The following CCM2 variants were observed in gnomAD, a reference collection of about 807,000 sequenced individuals.
CCM2 encodes the protein CCM2 scaffold protein, also known as cerebral cavernous malformations 2 protein.
A neutral mutation model predicts 44.9 loss-of-function variants in CCM2; 25 were observed. That is an observed-to-expected ratio of 0.56 (90% CI 0.41 to 0.78). The LOEUF (loss-of-function observed/expected upper bound fraction) is 0.78. CCM2 is among the 30% of genes least tolerant of loss of function. The pLI is 0.00. For missense variants in CCM2, 481 were observed against 580.6 expected (o/e 0.83, Z 1.76); for synonymous variants, 219 against 241.1 (o/e 0.91, Z 0.85).
At chr7:45,051,161 GA>G (rs1797983077) in intron 2 of CCM2, among the ~76,000 whole-genome samples, 1 of 152,114 alleles carries the variant, frequency 6.6e-6, no homozygotes, top group Non-Finnish European at 1.5e-5. Context: ...AGCTTCTCCA[GA>G]GGCATTTGGT....
chr7:45,022,865 C>A (rs1247296328), intron 1 of CCM2, among the ~76,000 whole-genome samples: 1 of 151,868 alleles, frequency 6.6e-6, no homozygotes. Flanking sequence ...CTCAGCCTCT[C>A]GAGTAGCTGG....
At chr7:45,068,309 T>G in intron 4 of CCM2, 134 bp from the exon 5 acceptor site, 1 of 1,131,502 alleles carries the variant, frequency 8.8e-7, no homozygotes, top group South Asian at 1.3e-5. Context: ...GCCCTTCACC[T>G]GAGTCGTTCT....
intron 2 of CCM2, chr7:45,043,642 AT>A: frequency 2.9e-6 from 1 of 350,086 alleles, no homozygotes; most frequent in Non-Finnish European, 5.4e-6. Flanking sequence ...AAAAAAAAAA[AT>A]TGTGGAGAAA....
chr7:45,050,751 G>A (rs1236656182), intron 2 of CCM2, among the ~76,000 whole-genome samples: 1 of 152,144 alleles, frequency 6.6e-6, no homozygotes, highest in African/African-American at 2.4e-5. Flanking sequence ...GGGTAAGTTA[G>A]TCCTCTGCTG....
intron 1 of CCM2, among the ~76,000 whole-genome samples, chr7:45,015,160 G>C (rs986322089): frequency 6.6e-6 from 1 of 152,050 alleles, no homozygotes; most frequent in Non-Finnish European, 1.5e-5. Context: ...TCTTTTTCTG[G>C]ATCTATTTAT....
intron 6 of CCM2, chr7:45,072,461 G>A: frequency 1.7e-6 from 1 of 589,906 alleles, no homozygotes; most frequent in Admixed American, 2.7e-5. Context: ...TCTGGCCATG[G>A]GTGAATGTGT....
At chr7:45,018,028 A>G (rs908521482) in intron 1 of CCM2, among the ~76,000 whole-genome samples, 1 of 147,138 alleles carries the variant, frequency 6.8e-6, no homozygotes, top group African/African-American at 2.6e-5. Flanking sequence ...CAGTTTTTCC[A>G]TAGACCAAAG....
chr7:45,060,835 A>G (rs541671919), intron 2 of CCM2, among the ~76,000 whole-genome samples: 98 of 152,260 alleles, frequency 6.4e-4, no homozygotes, highest in African/African-American at 2.3e-3. Context: ...CTGTTCTTAC[A>G]TGATGTCTAC....
At chr7:45,036,285 T>C (rs1162230234) in intron 1 of CCM2, among the ~76,000 whole-genome samples, 1 of 152,144 alleles carries the variant, frequency 6.6e-6, no homozygotes, top group Admixed American at 6.6e-5. Flanking sequence ...TGATTCCATG[T>C]CTGTTTTAGT....
chr7:45,044,142 G>A (rs1797642978), intron 2 of CCM2, among the ~76,000 whole-genome samples: 1 of 151,800 alleles, frequency 6.6e-6, no homozygotes, highest in African/African-American at 2.4e-5. Flanking sequence ...GTTTTGTTTT[G>A]TTTCGTTTTG....
rs368822854 is a variant in CCM2 at position 45,016,919 on chromosome 7, C to CA, written c.30+16557dup. 3.0e-3 allele frequency among the ~76,000 whole-genome samples: 453 copies of CA among 152,258 alleles called. 4 individuals carry two copies. Among genetic ancestry groups the CA allele is most frequent in the African/African-American group, 0.01 (425 of 41,540 alleles). On this transcript the variant is annotated intron_variant, in intron 1 of 9. Coordinates refer to ENST00000258781, the MANE Select transcript of CCM2 (RefSeq NM_031443.4). ...AAGTGCTAGGATTACAGGCGTGAGC[C>CA]ACCTCGCTTGGCTAATTTTTTTTGT... is the stretch of plus-strand genomic sequence containing the variant.
At chr7:45,038,841 A>G (rs1797348365) in intron 2 of CCM2, among the ~76,000 whole-genome samples, 1 of 152,212 alleles carries the variant, frequency 6.6e-6, no homozygotes, top group African/African-American at 2.4e-5. Flanking sequence ...GAGGCTCATC[A>G]TTGGGTCTCA....
intron 1 of CCM2, among the ~76,000 whole-genome samples, chr7:45,030,086 G>C (rs759190613): frequency 6.6e-6 from 1 of 152,088 alleles, no homozygotes; most frequent in African/African-American, 2.4e-5. Context: ...AGGTCCCTTC[G>C]ACCCTCACAG....
At chr7:45,064,728 G>T in intron 4 of CCM2, 82 bp downstream of exon 4, 1 of 1,466,470 alleles carries the variant, frequency 6.8e-7, no homozygotes, top group East Asian at 2.3e-5. Context: ...GACAGTTTTT[G>T]CAGCTTCGTG....
intron 6 of CCM2, 96 bp from the exon 7 acceptor site, chr7:45,072,630 C>T: frequency 1.1e-6 from 1 of 935,920 alleles, no homozygotes; most frequent in Non-Finnish European, 1.7e-6. Context: ...ACCAGGGCTG[C>T]CGCTGTCTCC....
At chr7:45,029,069 G>T (rs1212009060) in intron 1 of CCM2, among the ~76,000 whole-genome samples, 1 of 152,092 alleles carries the variant, frequency 6.6e-6, no homozygotes, top group South Asian at 2.1e-4. Context: ...ACTGAGTTTG[G>T]TGCCTCTTCC....
intron 6 of CCM2, chr7:45,071,762 C>T (rs914806202): frequency 8.8e-6 from 4 of 456,574 alleles, no homozygotes; most frequent in African/African-American, 8.0e-5. Flanking sequence ...AGCCACGTGA[C>T]CTCTTCCACA....
intron 2 of CCM2, among the ~76,000 whole-genome samples, chr7:45,052,414 G>A (rs1295003054): frequency 6.6e-6 from 1 of 152,172 alleles, no homozygotes; most frequent in Non-Finnish European, 1.5e-5. Flanking sequence ...TGTCAGCTGT[G>A]TATTGGGAAC....
At chr7:45,070,204 C>A in intron 6 of CCM2, 1 of 552,614 alleles carries the variant, frequency 1.8e-6, no homozygotes. Context: ...AATTTGGGGT[C>A]TGTGAACACT....
Sources: gnomAD v4.1 joint callset for allele counts (sites outside exome capture counted in the v4.1 genomes callset) on GRCh38, gnomAD v4.1.1 for gene constraint, MANE v1.5 for transcripts, NCBI Gene and HGNC (gene_info 2026-07-23, HGNC 2026-07-21) for gene names.